The following SCAND1 variants were observed in gnomAD, a reference collection of about 807,000 sequenced individuals.
SCAND1 encodes SCAN domain-containing protein 1.
A neutral mutation model predicts 3.4 loss-of-function variants in SCAND1; 3 were observed. The ratio of observed to expected loss-of-function variants is 0.87; its 90% confidence interval spans 0.40 to 2.25. The LOEUF (loss-of-function observed/expected upper bound fraction) is 2.25. SCAND1 is among the 30% of genes most tolerant of loss of function. The pLI is 0.05. For synonymous variants in SCAND1, 152 were observed against 120.5 expected (o/e 1.26, Z -1.72); for missense variants, 303 against 258.8 (o/e 1.17, Z -1.17).
upstream of SCAND1, chr20:35,954,622 G>T: frequency 7.5e-7 from 1 of 1,339,460 alleles, no homozygotes; most frequent in Admixed American, 2.7e-5. Context: ...GGCGAGCTGC[G>T]CGTGGCCTGG....
intron 1 of SCAND1, 29 bp downstream of exon 1, chr20:35,954,418 CG>C: frequency 6.4e-7 from 1 of 1,551,538 alleles, no homozygotes; most frequent in African/African-American, 1.4e-5. Flanking sequence ...GAGTCGGACT[CG>C]GGACCGGCCG....
chr20:35,954,168 C>A lies in SCAND1; in HGVS notation c.117G>T (p.Ser39=), dbSNP rs1056803764. ...SAPERNCVGS[S]LPEASPPAPE... is the part of the protein sequence containing the mutation. ...GGGCAGGCGGTGAGGCCTCTGGCAG[C>A]GAGGAGCCCACACAGTTACGCTCAG... is the stretch of plus-strand genomic sequence containing the variant. Residue 39 remains serine (S), a synonymous_variant, in exon 2 of 2, where the codon TCG becomes TCT. Coordinates refer to ENST00000305978, the MANE Select transcript of SCAND1 (RefSeq NM_033630.3). 3.1e-6 allele frequency: 5 copies of A among 1,604,396 alleles called. No homozygotes were observed. The highest frequency in any genetic ancestry group is 2.2e-5 in the South Asian group (2 of 89,998).
chr20:35,954,700 T>C, upstream of SCAND1: 8 of 1,090,694 alleles, frequency 7.3e-6, no homozygotes, highest in Non-Finnish European at 9.6e-6. Context: ...GCCTGAATGT[T>C]TGGAGATAGA....
Position 35,954,114 on chromosome 20 carries a change from G to A in SCAND1, c.171C>T (p.Val57=), listed in dbSNP as rs1381458693. Residue 57 remains valine (V), a synonymous_variant, in exon 2 of 2, where the codon GTC becomes GTT. Coordinates refer to ENST00000305978, the MANE Select transcript of SCAND1 (RefSeq NM_033630.3). ...CTCGGGGCGTAGGGATGGCTTCAGG[G>A]ACCGCGGCGTTGGGACTGGAAGGCT... ...APEPSSPNAA[V]PEAIPTPRAA... 16 of 1,544,642 alleles carry A rather than the reference G, an allele frequency of 1.0e-5. No individual in the cohort carries two copies. Among genetic ancestry groups the A allele is most frequent in the Admixed American group, 2.0e-5 (1 of 51,030 alleles).
At position 35,953,747 on chromosome 20, in the gene SCAND1, A is replaced by C; in HGVS notation, c.538T>G (p.Ter180GlyextTer?). 7.0e-7 allele frequency: 1 copy of C among 1,436,302 alleles called. No individual in the cohort carries two copies. The highest frequency in any genetic ancestry group is 2.6e-5 in the Admixed American group (1 of 37,744). 89.0% of individuals were successfully genotyped at this position (1,436,302 alleles called of 1,614,324 possible). Residue 180 changes from the stop codon to glycine, a stop_lost, in exon 2 of 2, where the codon TGA becomes GGA. Coordinates refer to ENST00000305978, the MANE Select transcript of SCAND1 (RefSeq NM_033630.3). ...RRRTDVRITG* is the reference protein window; with the variant it reads ...RRRTDVRITGG Reference sequence around the variant, plus strand: ...CTGGCCGCCCGCAGCTCCACCGCTCAGCCAGTGATGCGCACATCCGTGCGG... The same window carrying C: ...CTGGCCGCCCGCAGCTCCACCGCTCCGCCAGTGATGCGCACATCCGTGCGG...
At chr20:35,954,685 G>T, upstream of SCAND1, 1 of 1,171,534 alleles carries the variant, frequency 8.5e-7, no homozygotes, top group South Asian at 1.6e-5. Context: ...GGAGTCGGAG[G>T]AGGAGCCTGA....
chr20:35,953,657 G>A lies in SCAND1; in HGVS notation c.*88C>T, dbSNP rs1339985735. On this transcript the variant is annotated 3_prime_UTR_variant, in exon 2 of 2. Transcript: ENST00000305978. ...CAAAACTCATTTTTCATTAACACGG[G>A]GTGGGGTCCCAGGCTCAGGCCCCCG... 4 of 778,564 alleles carry A rather than the reference G, an allele frequency of 5.1e-6. No individual in the cohort carries two copies. The highest frequency in any genetic ancestry group is 7.4e-6 in the Non-Finnish European group (4 of 539,290). The allele number at this position is 778,564 out of a possible 1,614,324, so 48.2% of individuals were successfully genotyped here. A position where few individuals can be genotyped will look rare whatever the true frequency, so the allele number is the denominator to read the frequency against.
At chr20:35,958,746 G>A (rs996500701), upstream of SCAND1, 20 of 151,998 alleles carry the variant, frequency 1.3e-4, no homozygotes, top group African/African-American at 2.9e-4. Flanking sequence ...GAGATCCCTC[G>A]TGCTATCTCT....
upstream of SCAND1, chr20:35,955,114 A>G: frequency 5.9e-6 from 1 of 170,502 alleles, no homozygotes; most frequent in South Asian, 1.8e-4. Context: ...TGTTAACGTC[A>G]GCATTTAATA....
upstream of SCAND1, chr20:35,958,739 A>G (rs2056281966): frequency 6.6e-6 from 1 of 152,154 alleles, no homozygotes; most frequent in Non-Finnish European, 1.5e-5. Context: ...CACCACAGAG[A>G]TCCCTCGTGC....
chr20:35,954,760 T>C, upstream of SCAND1: 1 of 566,980 alleles, frequency 1.8e-6, no homozygotes, highest in Non-Finnish European at 2.8e-6. Context: ...GCAGGTGACC[T>C]TTGCGTGCGG....
rs1158208282 is a variant in SCAND1, at chr20:35,953,704, C to G, written c.*41G>C. The G allele has an allele frequency of 7.5e-7, 1 of 1,338,230 alleles. No individual in the cohort carries two copies. Among genetic ancestry groups the G allele is most frequent in the Non-Finnish European group, 9.7e-7 (1 of 1,027,076 alleles). The allele number at this position is 1,338,230 out of a possible 1,614,324, so 82.9% of individuals were successfully genotyped here. A position where few individuals can be genotyped will look rare whatever the true frequency, so the allele number is the denominator to read the frequency against. ...CCCGGGCCCGATCATGGCCCCAGTCCGCACAGAGCGCCCGGCCCTGGCCGC... is the reference window on the plus strand; with the variant it reads ...CCCGGGCCCGATCATGGCCCCAGTCGGCACAGAGCGCCCGGCCCTGGCCGC... On this transcript the variant is annotated 3_prime_UTR_variant, in exon 2 of 2. Coordinates refer to ENST00000305978, the MANE Select transcript of SCAND1 (RefSeq NM_033630.3).
rs562728169 is a variant in SCAND1 at position 35,954,320 on chromosome 20, C to T, written c.-36G>A. The T allele has an allele frequency of 6.2e-7, 1 of 1,612,966 alleles. No individual in the cohort carries two copies. The highest frequency in any genetic ancestry group is 1.3e-5 in the African/African-American group (1 of 75,036). On this transcript the variant is annotated 5_prime_UTR_variant, in exon 2 of 2. Coordinates refer to ENST00000305978, the MANE Select transcript of SCAND1 (RefSeq NM_033630.3). ...CCGGGCGTCACTCTTTGTCCGGTAG[C>T]TGTGTGCTCAGCACTGCGTCTGCGC... is the stretch of plus-strand genomic sequence containing the variant.
Position 35,953,829 on chromosome 20 carries a change from C to T in SCAND1, c.456G>A (p.Val152=). Residue 152 remains valine (V), a synonymous_variant, in exon 2 of 2, where the codon GTG becomes GTA. Transcript: ENST00000305978. The part of the protein sequence containing the change: ...RTKEQIVEML[V]QEQLLAILPE... The stretch of plus-strand genomic sequence containing the variant: ...GCAGGATGGCGAGCAGCTGCTCTTG[C>T]ACCAGCATCTCCACGATCTGCTCCT... The T allele has an allele frequency of 6.4e-7, 1 of 1,571,814 alleles. No homozygotes were observed. The highest frequency in any genetic ancestry group is 8.6e-7 in the Non-Finnish European group (1 of 1,160,904).
In SCAND1 at chr20:35,953,749, C is replaced by A; in HGVS notation, c.536G>T (p.Gly179Val). 1 of 1,442,604 alleles carries A rather than the reference C, an allele frequency of 6.9e-7. No individual in the cohort carries two copies. The highest frequency in any genetic ancestry group is 9.1e-7 in the Non-Finnish European group (1 of 1,102,084). The allele number at this position is 1,442,604 out of a possible 1,614,324, so 89.4% of individuals were successfully genotyped here. Residue 179 changes from glycine (G) to valine (V), a missense_variant, in exon 2 of 2, where the codon GGC (glycine) becomes GTC (valine). Physicochemically the swap from Gly to Val is moderately radical, Grantham distance 109. Transcript: ENST00000305978. ...IRRRTDVRIT[G>V] The stretch of plus-strand genomic sequence containing the variant: ...GGCCGCCCGCAGCTCCACCGCTCAG[C>A]CAGTGATGCGCACATCCGTGCGGCG...
chr20:35,956,881 G>A (rs1357726397), upstream of SCAND1, among the ~76,000 whole-genome samples: 1 of 152,246 alleles, frequency 6.6e-6, no homozygotes, highest in Non-Finnish European at 1.5e-5. Flanking sequence ...CACATAGTGA[G>A]TAGGAGCAAA....
Position 35,954,065 on chromosome 20 carries a change from G to C in SCAND1, c.220C>G (p.Leu74Val). The change falls in exon 2 of 2, where the codon CTG (leucine) becomes GTG (valine). Residue 74 changes from leucine to valine, a missense_variant. Leu to Val is a conservative substitution (Grantham distance 32, BLOSUM62 1). Coordinates refer to ENST00000305978, the MANE Select transcript of SCAND1 (RefSeq NM_033630.3). ...CTCACGGGTGCGGGCCCGAGAGGCAGCTCCAGGGCCGCGGAGGCCGCAGCT... is the reference window on the plus strand; with the variant it reads ...CTCACGGGTGCGGGCCCGAGAGGCACCTCCAGGGCCGCGGAGGCCGCAGCT... ...PRAAASAALELPLGPAPVSVA... is the reference protein window; with the variant it reads ...PRAAASAALEVPLGPAPVSVA... The C allele has an allele frequency of 6.5e-7, 1 of 1,537,882 alleles. No individual in the cohort carries two copies. The highest frequency in any genetic ancestry group is 8.8e-7 in the Non-Finnish European group (1 of 1,139,638).
At chr20:35,954,886 G>A (rs567139292), upstream of SCAND1, 554 of 279,916 alleles carry the variant, frequency 2.0e-3, no homozygotes, top group Non-Finnish European at 3.6e-3. Flanking sequence ...GTGGTGACCC[G>A]AACAGGAGAG....
rs888045270 is a variant in SCAND1, at chr20:35,953,795, C to A, written c.490G>T (p.Ala164Ser). 5 of 1,518,150 alleles carry A rather than the reference C, an allele frequency of 3.3e-6. No individual in the cohort carries two copies. The highest frequency in any genetic ancestry group is 4.4e-6 in the Non-Finnish European group (5 of 1,135,384). The allele number at this position is 1,518,150 out of a possible 1,614,324, so 94.0% of individuals were successfully genotyped here. Reference sequence around the variant, plus strand: ...CGGCGGCGGATCCGCCGGGCCCGAGCCGCCTCGGGCAGGATGGCGAGCAGC... The same window carrying A: ...CGGCGGCGGATCCGCCGGGCCCGAGACGCCTCGGGCAGGATGGCGAGCAGC... ...EQLLAILPEA[A>S]RARRIRRRTD... Residue 164 changes from alanine (A) to serine (S), a missense_variant, in exon 2 of 2, where the codon GCT becomes TCT. Transcript: ENST00000305978.
Sources: allele counts gnomAD v4.1 joint callset (sites outside exome capture counted in the v4.1 genomes callset), GRCh38; gene constraint gnomAD v4.1.1; transcripts MANE v1.5; gene names NCBI Gene and HGNC (gene_info 2026-07-23, HGNC 2026-07-21).